The following DGLUCY variants were observed in gnomAD, a reference collection of about 807,000 sequenced individuals.
DGLUCY encodes the protein D-glutamate cyclase.
Under a neutral mutation model 58.5 loss-of-function variants are expected in DGLUCY, and 58 were observed. That is an observed-to-expected ratio of 0.99 (90% CI 0.80 to 1.23). DGLUCY has a LOEUF of 1.23. Ranked by LOEUF, DGLUCY falls within the 50% of genes most tolerant of loss-of-function variation. The pLI is 0.00. For missense variants in DGLUCY, 779 were observed against 784.7 expected (o/e 0.99, Z 0.09); for synonymous variants, 325 against 314.1 (o/e 1.03, Z -0.37).
chr14:91,188,253 C>A (rs1025109355), intron 8 of DGLUCY, among the ~76,000 whole-genome samples: 1 of 152,130 alleles, frequency 6.6e-6, no homozygotes, highest in Non-Finnish European at 1.5e-5. Flanking sequence ...GAAAAGGGAA[C>A]GAGCTTGGAG....
intron 3 of DGLUCY, chr14:91,165,206 A>C (rs1192607808): frequency 2.2e-6 from 1 of 456,190 alleles, no homozygotes; most frequent in Non-Finnish European, 4.4e-6. Context: ...CATAACCGTT[A>C]CGTGTTTCTT....
chr14:91,123,902 G>A (rs939342807), intron 1 of DGLUCY, among the ~76,000 whole-genome samples: 1 of 149,860 alleles, frequency 6.7e-6, no homozygotes, highest in African/African-American at 2.5e-5. Flanking sequence ...TTTTAACAGC[G>A]CATCTTTTGG....
chr14:91,155,007 G>A (rs1046989552), intron 1 of DGLUCY, among the ~76,000 whole-genome samples: 2 of 152,182 alleles, frequency 1.3e-5, no homozygotes, highest in Admixed American at 1.3e-4. Flanking sequence ...CCTGGGCCTA[G>A]AGGGCCTTCT....
chr14:91,136,067 T>G (rs2046321460), intron 1 of DGLUCY, among the ~76,000 whole-genome samples: 3 of 150,484 alleles, frequency 2.0e-5, no homozygotes, highest in Admixed American at 1.3e-4. Context: ...CCCGAGTAGC[T>G]GGGACTACAG....
chr14:91,155,876 C>T (rs2047588724), intron 1 of DGLUCY, among the ~76,000 whole-genome samples: 1 of 151,992 alleles, frequency 6.6e-6, no homozygotes, highest in South Asian at 2.1e-4. Context: ...AGGCACAACT[C>T]CAGAGGGCGC....
chr14:91,175,392 C>T (rs942422321), intron 6 of DGLUCY, among the ~76,000 whole-genome samples: 3 of 152,146 alleles, frequency 2.0e-5, no homozygotes, highest in Admixed American at 1.3e-4. Flanking sequence ...TTAGACAGAA[C>T]CTAGCCTTTT....
intron 1 of DGLUCY, among the ~76,000 whole-genome samples, chr14:91,137,603 GC>G (rs2046418240): frequency 1.3e-5 from 2 of 150,920 alleles, no homozygotes; most frequent in Non-Finnish European, 2.9e-5. Context: ...CACCATGTTG[GC>G]CAGGATGGTC....
At chr14:91,107,071 G>A (rs929659178), upstream of DGLUCY, among the ~76,000 whole-genome samples, 1 of 152,130 alleles carries the variant, frequency 6.6e-6, no homozygotes, top group East Asian at 1.9e-4. Flanking sequence ...AGGAGATGGT[G>A]CCTGATGTCC....
chr14:91,138,518 A>G (rs2046467263), intron 1 of DGLUCY, among the ~76,000 whole-genome samples: 2 of 152,154 alleles, frequency 1.3e-5, no homozygotes, highest in South Asian at 2.1e-4. Flanking sequence ...AAAAAGAAAT[A>G]TTCGAGACTG....
chr14:91,181,232 T>C lies in DGLUCY; in HGVS notation c.777T>C (p.Thr259=), dbSNP rs749884514. ...GCATCCCAGGCTGCACAGTTATGAC[T>C]GACCTGAAGGATGCAAAGGCTCCAC... ...FASIPGCTVM[T]DLKDAKAPPG... Residue 259 remains threonine (T), a synonymous_variant, in exon 8 of 14, where the codon ACT becomes ACC. Coordinates refer to ENST00000256324, the MANE Select transcript of DGLUCY (RefSeq NM_001102368.3). 3.7e-6 allele frequency: 6 copies of C among 1,614,064 alleles called. No individual in the cohort carries two copies. Among genetic ancestry groups the C allele is most frequent in the African/African-American group, 1.3e-5 (1 of 74,928 alleles).
intron 9 of DGLUCY, among the ~76,000 whole-genome samples, chr14:91,190,235 C>T (rs947223513): frequency 1.3e-5 from 2 of 151,944 alleles, no homozygotes; most frequent in African/African-American, 4.8e-5. Flanking sequence ...GATCCGCCCG[C>T]CTCGGCCTCC....
intron 12 of DGLUCY, among the ~76,000 whole-genome samples, chr14:91,208,395 G>A (rs1400968695): frequency 9.2e-5 from 14 of 152,126 alleles, no homozygotes; most frequent in African/African-American, 3.1e-4. Flanking sequence ...AATAATAACA[G>A]TGCATTCCAT....
chr14:91,179,569 G>A (rs1018565406), intron 7 of DGLUCY, among the ~76,000 whole-genome samples: 3 of 152,020 alleles, frequency 2.0e-5, no homozygotes, highest in African/African-American at 4.8e-5. Context: ...TAGCCAACAT[G>A]GCAAAACCCT....
At chr14:91,123,521 G>A (rs574191231) in intron 1 of DGLUCY, among the ~76,000 whole-genome samples, 12 of 151,738 alleles carry the variant, frequency 7.9e-5, no homozygotes, top group Non-Finnish European at 1.3e-4. Context: ...TTCCAGAAAC[G>A]TTAAACTCTC....
At chr14:91,108,993 A>G (rs8014834) in intron 1 of DGLUCY, among the ~76,000 whole-genome samples, 151,155 of 152,284 alleles carry the variant, frequency 0.99, 75,036 homozygotes, top group East Asian at 1. Context: ...AACAGGGGGT[A>G]TGGGAAGGAA....
At chr14:91,217,953 G>A (rs148519191) in intron 13 of DGLUCY, among the ~76,000 whole-genome samples, 22 of 152,224 alleles carry the variant, frequency 1.4e-4, no homozygotes, top group Admixed American at 7.2e-4. Context: ...TTTTACAGAC[G>A]AGAGACCTGG....
chr14:91,204,623 A>T, intron 11 of DGLUCY, 83 bp from the exon 12 acceptor site: 1 of 1,548,418 alleles, frequency 6.5e-7, no homozygotes, highest in Admixed American at 1.8e-5. Flanking sequence ...CAAAGGCAAC[A>T]AGCACATGTA....
intron 1 of DGLUCY, among the ~76,000 whole-genome samples, chr14:91,108,526 T>TGTGTGTGTGTGAGAGAGAGAGA (rs1265665234): frequency 7.7e-5 from 4 of 52,174 alleles, no homozygotes; most frequent in African/African-American, 2.5e-4. Flanking sequence ...TGTGTGTGTG[T>TGTGTGTGTGTGAGAGAGAGAGA]GAGAGAGAGA....
chr14:91,135,479 G>A lies in DGLUCY; in HGVS notation c.-82+21196G>A, dbSNP rs1251301500. ...AGCCTGGCCAATATGGTGAAACCCC[G>A]TCTCTACTAAAAATACAAAAATTAG... On this transcript the variant is annotated intron_variant, in intron 1 of 13. Transcript: ENST00000256324. Among the ~76,000 whole-genome samples, 5 of 151,868 alleles carry A rather than the reference G, an allele frequency of 3.3e-5. No individual in the cohort carries two copies. The East Asian group carries it at 7.8e-4, about 24-fold the overall frequency.
Sources: allele counts gnomAD v4.1 joint callset (sites outside exome capture counted in the v4.1 genomes callset), GRCh38; gene constraint gnomAD v4.1.1; transcripts MANE v1.5; gene names NCBI Gene and HGNC (gene_info 2026-07-23, HGNC 2026-07-21).